GYG1: variants seen among roughly 807,000 people sequenced by gnomAD.
The protein encoded by GYG1 is glycogenin-1.
A neutral mutation model predicts 41.9 loss-of-function variants in GYG1; 44 were observed. The observed-to-expected ratio is 1.05, with a 90% CI of 0.83 to 1.35. The LOEUF (loss-of-function observed/expected upper bound fraction) is 1.35. GYG1 is among the 40% of genes most tolerant of loss of function. The pLI is 0.00. For synonymous variants in GYG1, 141 were observed against 158.1 expected (o/e 0.89, Z 0.81); for missense variants, 429 against 418.9 (o/e 1.02, Z -0.21).
At chr3:149,026,164 A>G (rs941790308) in intron 6 of GYG1, among the ~76,000 whole-genome samples, 2 of 152,232 alleles carry the variant, frequency 1.3e-5, no homozygotes, top group African/African-American at 2.4e-5. Context: ...AAACTAAGCA[A>G]ATTAACAGAA....
chr3:149,018,891 AAAAATAAAAAT>A (rs1200571807), intron 5 of GYG1, among the ~76,000 whole-genome samples: 2 of 152,100 alleles, frequency 1.3e-5, no homozygotes, highest in East Asian at 1.9e-4. Flanking sequence ...CGTCTCTACA[AAAAATAAAAAT>A]AAAATAAAAA....
chr3:149,025,363 A>G (rs1237655609), intron 6 of GYG1, among the ~76,000 whole-genome samples: 1 of 152,156 alleles, frequency 6.6e-6, no homozygotes, highest in Non-Finnish European at 1.5e-5. Flanking sequence ...ACCACCTCTG[A>G]TCTGACAAGA....
At chr3:149,024,316 TA>T in intron 6 of GYG1, 44 bp downstream of exon 6, 1 of 1,176,990 alleles carries the variant, frequency 8.5e-7, no homozygotes, top group Non-Finnish European at 1.3e-6. Context: ...TGCTGCTTTT[TA>T]AAAAAATTGT....
intron 5 of GYG1, among the ~76,000 whole-genome samples, chr3:149,017,610 T>C (rs1218063218): frequency 1.8e-5 from 2 of 112,560 alleles, no homozygotes; most frequent in Non-Finnish European, 3.8e-5. Flanking sequence ...TTTTTTTTTT[T>C]TTGGAGACAC....
intron 5 of GYG1, among the ~76,000 whole-genome samples, chr3:149,011,626 G>A (rs1328530019): frequency 3.3e-5 from 5 of 152,118 alleles, no homozygotes; most frequent in South Asian, 2.1e-4. Flanking sequence ...GTTTTGAGGG[G>A]TAAGACAGAC....
At chr3:148,994,300 A>G (rs1307421325) in intron 2 of GYG1, 23 bp downstream of exon 2, 2 of 1,613,038 alleles carry the variant, frequency 1.2e-6, no homozygotes, top group East Asian at 4.5e-5. Flanking sequence ...CTGCCACCCC[A>G]GCATCCAAGG....
chr3:148,998,398 A>G (rs1010775407), intron 4 of GYG1, among the ~76,000 whole-genome samples: 9 of 152,168 alleles, frequency 5.9e-5, no homozygotes, highest in Non-Finnish European at 1.2e-4. Flanking sequence ...TGCAAAGGGC[A>G]TCTGATGAGT....
chr3:148,992,336 A>ACAC (rs1559994976), intron 1 of GYG1: 2 of 152,486 alleles, frequency 1.3e-5, no homozygotes, highest in African/African-American at 4.8e-5. Context: ...CGTGTCATTG[A>ACAC]GGCTAATAGC....
chr3:149,004,564 T>A (rs1713288604), intron 4 of GYG1, among the ~76,000 whole-genome samples: 1 of 152,250 alleles, frequency 6.6e-6, no homozygotes, highest in South Asian at 2.1e-4. Flanking sequence ...TTAAGATTTC[T>A]AGACCGCTGA....
intron 5 of GYG1, among the ~76,000 whole-genome samples, chr3:149,014,576 C>G (rs1713914765): frequency 6.6e-6 from 1 of 151,454 alleles, no homozygotes; most frequent in African/African-American, 2.4e-5. Context: ...GGGTGGATCT[C>G]TTGAGCCCAA....
intron 5 of GYG1, among the ~76,000 whole-genome samples, chr3:149,021,301 T>C (rs1714361597): frequency 6.6e-6 from 1 of 152,266 alleles, no homozygotes; most frequent in Non-Finnish European, 1.5e-5. Context: ...TAGCTTTATC[T>C]GTGCACAAAT....
In GYG1 at chr3:149,026,980, T is replaced by C. The variant is rs1266545002; in HGVS notation, c.*47T>C. 2.5e-6 allele frequency: 4 copies of C among 1,593,054 alleles called. No homozygotes were observed. The highest frequency in any genetic ancestry group is 3.4e-6 in the Non-Finnish European group (4 of 1,160,768). On this transcript the variant is annotated 3_prime_UTR_variant, in exon 8 of 8. Coordinates refer to ENST00000345003, the MANE Select transcript of GYG1 (RefSeq NM_004130.4). The stretch of plus-strand genomic sequence containing the variant: ...ACACATCCACTTCACAAGCCTTGTT[T>C]CTGATACTTAGTATCTAGAGCTGGG...
rs888403706 is a variant in GYG1, at chr3:148,991,740, G to A, written c.7+93G>A. On this transcript the variant is annotated intron_variant, in intron 1 of 7. Coordinates refer to ENST00000345003, the MANE Select transcript of GYG1 (RefSeq NM_004130.4). Reference sequence around the variant, plus strand: ...TCTCCTCCGCCCTCAGCCCCGGAGTGTTCCCGGCAGGACGAAACCGCCGCA... The same window carrying A: ...TCTCCTCCGCCCTCAGCCCCGGAGTATTCCCGGCAGGACGAAACCGCCGCA... 2.9e-5 allele frequency: 31 copies of A among 1,068,212 alleles called. 3 individuals carry two copies. The South Asian group carries it at 4.5e-4, about 15-fold the overall frequency. 66.2% of individuals were successfully genotyped at this position (1,068,212 alleles called of 1,614,324 possible).
At chr3:148,991,880 C>G (rs1431891390) in intron 1 of GYG1, among the ~76,000 whole-genome samples, 2 of 152,220 alleles carry the variant, frequency 1.3e-5, no homozygotes, top group African/African-American at 4.8e-5. Context: ...TCGGCCGGAG[C>G]TCTCGTTCCT....
intron 5 of GYG1, among the ~76,000 whole-genome samples, chr3:149,017,464 T>C (rs1259534103): frequency 6.6e-6 from 1 of 151,960 alleles, no homozygotes; most frequent in Non-Finnish European, 1.5e-5. Context: ...CAGTGAATCT[T>C]ATGGTTATCC....
chr3:149,021,587 A>G (rs1714377110), intron 5 of GYG1, among the ~76,000 whole-genome samples: 1 of 152,078 alleles, frequency 6.6e-6, no homozygotes. Context: ...GTCAAACCCC[A>G]TCTCTGCCAC....
intron 4 of GYG1, among the ~76,000 whole-genome samples, chr3:149,002,157 ATAATTT>A (rs1328856681): frequency 6.6e-6 from 1 of 152,226 alleles, no homozygotes; most frequent in Non-Finnish European, 1.5e-5. Context: ...TATTTCAAAC[ATAATTT>A]TAATTTCTAA....
chr3:148,996,159 A>G, intron 2 of GYG1, 143 bp from the exon 3 acceptor site: 1 of 691,648 alleles, frequency 1.4e-6, no homozygotes, highest in Admixed American at 2.2e-5. Flanking sequence ...AAATTAGAAC[A>G]GATTTAAGGG....
intron 4 of GYG1, among the ~76,000 whole-genome samples, chr3:149,007,534 G>A (rs1713470373): frequency 6.6e-6 from 1 of 152,220 alleles, no homozygotes; most frequent in Non-Finnish European, 1.5e-5. Context: ...GATAGAATAC[G>A]CAGAGGGTGG....
Sources: gnomAD v4.1 joint callset for allele counts (sites outside exome capture counted in the v4.1 genomes callset) on GRCh38, gnomAD v4.1.1 for gene constraint, MANE v1.5 for transcripts, NCBI Gene and HGNC (gene_info 2026-07-23, HGNC 2026-07-21) for gene names.